The following KDM2B variants were observed in gnomAD, a reference collection of about 807,000 sequenced individuals.
The protein encoded by KDM2B is lysine-specific demethylase 2B.
Under a neutral mutation model 150.0 loss-of-function variants are expected in KDM2B, and 26 were observed. The ratio of observed to expected loss-of-function variants is 0.17; its 90% CI spans 0.13 to 0.24. The LOEUF is 0.24. Ranked by LOEUF, KDM2B falls within the 10% of genes least tolerant of loss-of-function variation. The pLI is 1.00. For synonymous variants in KDM2B, 734 were observed against 729.5 expected (o/e 1.01, Z -0.10); for missense variants, 1,265 against 1,816.9 (o/e 0.70, Z 5.52).
the KDM2B span, among the ~76,000 whole-genome samples, chr12:121,421,354 TAGAG>T: frequency 1.4e-4 from 14 of 102,444 alleles, no homozygotes; most frequent in African/African-American, 5.5e-4. Flanking sequence ...CTGGGCAACA[TAGAG>T]AGATCCCATC....
intron 12 of KDM2B, among the ~76,000 whole-genome samples, chr12:121,489,800 G>A (rs7316418): frequency 0.2 from 30,838 of 152,060 alleles, 5,408 homozygotes; most frequent in African/African-American, 0.48. Context: ...AATGTGCTAC[G>A]TCAAGTGCGG....
intron 12 of KDM2B, among the ~76,000 whole-genome samples, chr12:121,461,327 C>T (rs1377092607): frequency 6.6e-6 from 1 of 152,130 alleles, no homozygotes; most frequent in East Asian, 1.9e-4. Flanking sequence ...CCTGCAGGGC[C>T]TCATCTACCA....
intron 12 of KDM2B, chr12:121,470,334 C>T (rs1386994785): frequency 6.6e-6 from 1 of 152,194 alleles, no homozygotes; most frequent in Non-Finnish European, 1.5e-5. Context: ...AACACAAACT[C>T]CCTTCCTCCC....
intron 6 of KDM2B, 45 bp from the exon 7 acceptor site, chr12:121,534,635 A>G (rs1594072339): frequency 6.9e-7 from 1 of 1,442,514 alleles, no homozygotes. Flanking sequence ...CAAGATCTAA[A>G]TCACAAGACG....
chr12:121,580,209 C>G, intron 1 of KDM2B: 1 of 1,462,288 alleles, frequency 6.8e-7, no homozygotes, highest in Non-Finnish European at 9.0e-7. Flanking sequence ...AACACTTAGG[C>G]AGATCCGTTT....
At chr12:121,491,571 T>A (rs1883354850) in intron 12 of KDM2B, among the ~76,000 whole-genome samples, 1 of 152,046 alleles carries the variant, frequency 6.6e-6, no homozygotes, top group Admixed American at 6.6e-5. Flanking sequence ...GGTGGGCACA[T>A]CACCTAAGGT....
chr12:121,538,808 C>T (rs1288469954), intron 6 of KDM2B, among the ~76,000 whole-genome samples: 1 of 152,126 alleles, frequency 6.6e-6, no homozygotes, highest in Non-Finnish European at 1.5e-5. Context: ...ACCCAGGCAG[C>T]CTGTCTCCCA....
chr12:121,490,418 G>A (rs541166705), intron 12 of KDM2B, among the ~76,000 whole-genome samples: 202 of 152,272 alleles, frequency 1.3e-3, no homozygotes, highest in Non-Finnish European at 2.5e-3. Context: ...GGATGAAGAA[G>A]CTGGCAGGGT....
At chr12:121,559,623 A>C (rs1264096586) in intron 4 of KDM2B, among the ~76,000 whole-genome samples, 1 of 152,102 alleles carries the variant, frequency 6.6e-6, no homozygotes, top group Non-Finnish European at 1.5e-5. Flanking sequence ...CAACCAGGCC[A>C]GGTGCAGTGG....
At chr12:121,502,042 G>C (rs960307774) in intron 11 of KDM2B, among the ~76,000 whole-genome samples, 3 of 152,130 alleles carry the variant, frequency 2.0e-5, no homozygotes, top group Admixed American at 6.6e-5. Flanking sequence ...TCCAGGGTCG[G>C]GAACTGACGA....
chr12:121,426,520 C>T (rs1377568826), downstream of KDM2B, among the ~76,000 whole-genome samples: 2 of 147,232 alleles, frequency 1.4e-5, no homozygotes, highest in South Asian at 4.5e-4. Flanking sequence ...GATCATAGCT[C>T]ACTACAGTCT....
At chr12:121,422,055 C>T in the KDM2B span, among the ~76,000 whole-genome samples, 95 of 152,286 alleles carry the variant, frequency 6.2e-4, no homozygotes, top group Admixed American at 1.0e-3. Flanking sequence ...GGTTTTCTGG[C>T]AGTGAGGGGA....
At chr12:121,455,565 T>G (rs577723726) in intron 12 of KDM2B, among the ~76,000 whole-genome samples, 1 of 151,954 alleles carries the variant, frequency 6.6e-6, no homozygotes, top group East Asian at 1.9e-4. Context: ...ATTAGCCAGG[T>G]GTAGTGGTGT....
chr12:121,504,679 A>G (rs1337459424), intron 11 of KDM2B, among the ~76,000 whole-genome samples: 1 of 152,178 alleles, frequency 6.6e-6, no homozygotes, highest in Non-Finnish European at 1.5e-5. Flanking sequence ...AGGTTCTGGA[A>G]TAAGATAGTG....
chr12:121,579,917 G>A, intron 1 of KDM2B: 7 of 1,430,610 alleles, frequency 4.9e-6, no homozygotes, highest in Non-Finnish European at 6.4e-6. Context: ...ATACAGAAAA[G>A]GAAAGAAAAG....
At chr12:121,469,344 G>T (rs539031817) in intron 12 of KDM2B, 1 of 139,390 alleles carries the variant, frequency 7.2e-6, no homozygotes. Flanking sequence ...GGCTGGGCGC[G>T]GTGGCTCACG....
intron 12 of KDM2B, chr12:121,469,316 T>G (rs1376198454): frequency 9.5e-5 from 14 of 147,706 alleles, no homozygotes; most frequent in African/African-American, 2.7e-4. Context: ...GTCTCAGCTT[T>G]TTAAAAGCTA....
chr12:121,561,116 C>T (rs1486873613), intron 4 of KDM2B, among the ~76,000 whole-genome samples: 5 of 152,104 alleles, frequency 3.3e-5, no homozygotes, highest in Admixed American at 1.3e-4. Flanking sequence ...GTTCCAGCTG[C>T]GGAAATTAGT....
chr12:121,534,475 G>T (rs782060224), intron 7 of KDM2B, 22 bp downstream of exon 7: 3 of 1,586,168 alleles, frequency 1.9e-6, no homozygotes, highest in Non-Finnish European at 2.6e-6. Flanking sequence ...TGCATAGAAA[G>T]TTAAAGGCAA....
Sources: allele counts gnomAD v4.1 joint callset (sites outside exome capture counted in the v4.1 genomes callset), GRCh38; gene constraint gnomAD v4.1.1; transcripts MANE v1.5; gene names NCBI Gene and HGNC (gene_info 2026-07-23, HGNC 2026-07-21).